Variants in TWNK observed in about 807,000 individuals in gnomAD.
TWNK encodes the protein T7 gp4-like protein with intramitochondrial nucleoid localization.
TWNK carries 36 observed loss-of-function variants against 58.2 expected under a neutral mutation model. That is an observed-to-expected ratio of 0.62 (90% CI 0.47 to 0.82). TWNK has a LOEUF of 0.82. Ranked by LOEUF, TWNK falls within the 40% of genes least tolerant of loss-of-function variation. The pLI, the probability that TWNK is intolerant of heterozygous loss-of-function variation, is 0.00. For synonymous variants in TWNK, 349 were observed against 348.5 expected, an observed-to-expected ratio of 1.00 and a Z score of -0.02; for missense variants, 714 against 881.0, an observed-to-expected ratio of 0.81 and a Z score of 2.40.
Position 100,993,456 on chromosome 10 carries a change from C to T in TWNK, c.2001C>T (p.Cys667=), listed in dbSNP as rs1380635403. ...CTACGACACAGAACTCTGAGATTTG[C>T]TCAGGCCAGGCCCCCACTCCCGACC... is the stretch of plus-strand genomic sequence containing the variant. ...KGATTQNSEI[C]SGQAPTPDQP... The change falls in exon 5 of 5, where the codon TGC becomes TGT. Residue 667 remains cysteine, a synonymous_variant. Coordinates refer to ENST00000311916, the MANE Select transcript of TWNK (RefSeq NM_021830.5). 2 of 1,614,212 alleles carry T rather than the reference C, an allele frequency of 1.2e-6. No individual in the cohort carries two copies. Among genetic ancestry groups the T allele is most frequent in the African/African-American group, 1.3e-5 (1 of 75,064 alleles).
Position 100,993,893 on chromosome 10 carries a change from G to A in TWNK, c.*383G>A. ...CTAGTGTAGATAAGTGGTCTGAAAA[G>A]GTGTCTCTGAGCCGAGGGCATGTGA... On this transcript the variant is annotated 3_prime_UTR_variant, in exon 5 of 5. Transcript: ENST00000311916. The A allele has an allele frequency of 4.1e-6, 1 of 245,018 alleles. No individual in the cohort carries two copies. The allele number at this position is 245,018 out of a possible 1,614,324, so 15.2% of individuals were successfully genotyped here. A position where few individuals can be genotyped will look rare whatever the true frequency, so the allele number is the denominator to read the frequency against.
Position 100,989,123 on chromosome 10 carries a change from G to A in TWNK, c.913G>A (p.Val305Ile), listed in dbSNP as rs753457416. ...LPYLEQFRRI[V>I]FWLGDDLRSW... The stretch of plus-strand genomic sequence containing the variant: ...TTACCTGGAACAGTTCCGGCGGATT[G>A]TATTCTGGTTGGGGGATGACCTTCG... Residue 305 changes from valine (V) to isoleucine (I), a missense_variant, in exon 1 of 5, where the codon GTA (valine) becomes ATA (isoleucine). Around this residue, in one of 3 missense-constraint regions of TWNK, gnomAD observed 348 missense variants for 388.4 expected, o/e 0.90. Transcript: ENST00000311916. The surrounding 1 kb of genome is among the most constrained non-coding windows in gnomAD (Gnocchi z 7.6). 4.3e-6 allele frequency: 7 copies of A among 1,612,054 alleles called. No homozygotes were observed. In the African/African-American group the frequency reaches 8.0e-5, roughly 18 times the overall value.
chr10:100,987,856 G>A lies in TWNK; in HGVS notation c.-355G>A, dbSNP rs952537350. On this transcript the variant is annotated 5_prime_UTR_variant, in exon 1 of 5. Transcript: ENST00000311916. Reference sequence around the variant, plus strand: ...TGACTATAGAAATGAGGACGACGAGGAGATGCTGTGGAGGAGCAGTAGAGG... The same window carrying A: ...TGACTATAGAAATGAGGACGACGAGAAGATGCTGTGGAGGAGCAGTAGAGG... The A allele has an allele frequency of 3.4e-6, 2 of 594,134 alleles. No individual in the cohort carries two copies. The highest frequency in any genetic ancestry group is 3.1e-5 in the Admixed American group (1 of 32,668). 36.8% of individuals were successfully genotyped at this position (594,134 alleles called of 1,614,324 possible).
In TWNK at chr10:100,989,916, T is replaced by C. The variant is rs1159536731; in HGVS notation, c.1484+32T>C. The C allele has an allele frequency of 2.5e-6, 4 of 1,613,824 alleles. No homozygotes were observed. The African/African-American group carries it at 4.0e-5, about 16-fold the overall frequency. On this transcript the variant is annotated intron_variant, in intron 2 of 4. Transcript: ENST00000311916. The surrounding 1 kb of genome is among the most constrained non-coding windows in gnomAD (Gnocchi z 7.6). The stretch of plus-strand genomic sequence containing the variant: ...CTCCCAGATTCCAGCCACCTTGCTT[T>C]CCCAGACATATCCCAGCACTCAGGA...
chr10:100,991,076 C>G (rs570924095), intron 4 of TWNK, 66 bp downstream of exon 4: 1 of 1,607,792 alleles, frequency 6.2e-7, no homozygotes, highest in Non-Finnish European at 8.5e-7. Context: ...CAGGGACAGC[C>G]CTCATTCAGC....
rs758824982 is a variant in TWNK, at chr10:100,993,771, C to T, written c.*261C>T. ...AAGTCCCTGCCTGCATGCATTCTGG[C>T]GGAAGAGACAAGCAAGCAATGAACA... On this transcript the variant is annotated 3_prime_UTR_variant, in exon 5 of 5. Transcript: ENST00000311916. 7.0e-5 allele frequency: 36 copies of T among 516,694 alleles called. No homozygotes were observed. Among genetic ancestry groups the T allele is most frequent in the Admixed American group, 3.4e-4 (10 of 29,228 alleles). 32.0% of individuals were successfully genotyped at this position (516,694 alleles called of 1,614,324 possible).
chr10:100,988,273 G>A lies in TWNK; in HGVS notation c.63G>A (p.Trp21Ter), dbSNP rs1851637684. 6.2e-7 allele frequency: 1 copy of A among 1,614,026 alleles called. No individual in the cohort carries two copies. Among genetic ancestry groups the A allele is most frequent in the Non-Finnish European group, 8.5e-7 (1 of 1,180,042 alleles). The change falls in exon 1 of 5, where the codon TGG (tryptophan) becomes TGA (stop). Residue 21 changes from tryptophan to a stop codon, truncating the protein, a stop_gained. Coordinates refer to ENST00000311916, the MANE Select transcript of TWNK (RefSeq NM_021830.5). LOFTEE classifies it high-confidence loss of function. The surrounding 1 kb of genome is among the most constrained non-coding windows in gnomAD (Gnocchi z 5.2). ...TCTTGTTACCCCTGCGTGGGGAGTG[G>A]ATGGGTCGGAGGGGCCTGCCCCGAA... ...LRILLPLRGEWMGRRGLPRNL... is the reference protein window; with the variant it reads ...LRILLPLRGE
Position 100,993,267 on chromosome 10 carries a change from G to A in TWNK, c.1812G>A (p.Gln604=). The change falls in exon 5 of 5, where the codon CAG becomes CAA. Residue 604 remains glutamine (Q), a synonymous_variant. Transcript: ENST00000311916. ...CCGGGCCAGGGAAACGGTATCTGCA[G>A]GTGTCCAAGAACCGCTTTGATGGAG... is the stretch of plus-strand genomic sequence containing the variant. ...LVTGPGKRYL[Q]VSKNRFDGDV... is the part of the protein sequence containing the mutation. 6.2e-7 allele frequency: 1 copy of A among 1,614,226 alleles called. No individual in the cohort carries two copies. The highest frequency in any genetic ancestry group is 8.5e-7 in the Non-Finnish European group (1 of 1,180,046).
In TWNK at chr10:100,987,785, T is replaced by C; in HGVS notation, c.-426T>C. On this transcript the variant is annotated 5_prime_UTR_variant, in exon 1 of 5. Transcript: ENST00000311916. ...GAGGGGAAGGAGAAGCGGAAGAGGG[T>C]CTCTAGTCGGGGCCTAGGGCAAAGG... is the stretch of plus-strand genomic sequence containing the variant. 1 of 580,968 alleles carries C rather than the reference T, an allele frequency of 1.7e-6. No homozygotes were observed. Among genetic ancestry groups the C allele is most frequent in the South Asian group, 2.2e-5 (1 of 45,442 alleles). 36.0% of individuals were successfully genotyped at this position (580,968 alleles called of 1,614,324 possible). A position where few individuals can be genotyped will look rare whatever the true frequency, so the allele number is the denominator to read the frequency against.
chr10:100,992,089 G>C (rs1350982146), intron 4 of TWNK, among the ~76,000 whole-genome samples: 1 of 148,498 alleles, frequency 6.7e-6, no homozygotes, highest in Non-Finnish European at 1.5e-5. Flanking sequence ...TTTGGTCCCA[G>C]CTACTCAGGA....
Position 100,989,981 on chromosome 10 carries a change from A to C in TWNK, c.1484+97A>C. 6.7e-7 allele frequency: 1 copy of C among 1,499,876 alleles called. No individual in the cohort carries two copies. Among genetic ancestry groups the C allele is most frequent in the Non-Finnish European group, 9.3e-7 (1 of 1,078,700 alleles). 92.9% of individuals were successfully genotyped at this position (1,499,876 alleles called of 1,614,324 possible). ...TTCCAGCTCCAGTAGGAACTCCCCC[A>C]TCTCCTTAGGTTTGGAGTTTTTCAA... On this transcript the variant is annotated intron_variant, in intron 2 of 4. Transcript: ENST00000311916. This position sits in a 1 kb window ranked among gnomAD's most constrained non-coding sequence, Gnocchi z 7.6.
In TWNK at chr10:100,987,567, A is replaced by T. The variant is rs886046623; in HGVS notation, c.-644A>T. 2.9e-5 allele frequency: 41 copies of T among 1,398,660 alleles called. No individual in the cohort carries two copies. Among genetic ancestry groups the T allele is most frequent in the Admixed American group, 7.6e-5 (3 of 39,504 alleles). 86.6% of individuals were successfully genotyped at this position (1,398,660 alleles called of 1,614,324 possible). On this transcript the variant is annotated 5_prime_UTR_variant, in exon 1 of 5. It removes an upstream start codon present in the reference 5' UTR. Transcript: ENST00000311916. ...TGCTTCCGAGGTCAAGGCGAGTAGC[A>T]TGTGCGGGAGACTCACGTTGCCGGC...
Position 100,987,790 on chromosome 10 carries a change from AG to A in TWNK, c.-420del. 1 of 585,262 alleles carries A rather than the reference AG, an allele frequency of 1.7e-6. No individual in the cohort carries two copies. The highest frequency in any genetic ancestry group is 2.2e-5 in the South Asian group (1 of 46,338). The allele number at this position is 585,262 out of a possible 1,614,324, so 36.3% of individuals were successfully genotyped here. ...GAAGGAGAAGCGGAAGAGGGTCTCTAGTCGGGGCCTAGGGCAAAGGGACTAC... is the reference window on the plus strand; with the variant it reads ...GAAGGAGAAGCGGAAGAGGGTCTCTATCGGGGCCTAGGGCAAAGGGACTAC... On this transcript the variant is annotated 5_prime_UTR_variant, in exon 1 of 5. Coordinates refer to ENST00000311916, the MANE Select transcript of TWNK (RefSeq NM_021830.5).
In TWNK at chr10:100,987,930, G is replaced by A. The variant is rs546855962; in HGVS notation, c.-281G>A. The A allele has an allele frequency of 1.1e-5, 7 of 618,790 alleles. No individual in the cohort carries two copies. The highest frequency in any genetic ancestry group is 1.1e-4 in the African/African-American group (6 of 54,478). 38.3% of individuals were successfully genotyped at this position (618,790 alleles called of 1,614,324 possible). ...GTGTCAGTGAGGAACTGTATAGAGG[G>A]TCATAGAGGTGAGGTGGCGGAGAGA... is the stretch of plus-strand genomic sequence containing the variant. On this transcript the variant is annotated 5_prime_UTR_variant, in exon 1 of 5. Coordinates refer to ENST00000311916, the MANE Select transcript of TWNK (RefSeq NM_021830.5).
chr10:100,988,840 C>A lies in TWNK; in HGVS notation c.630C>A (p.Ser210=), dbSNP rs1222975561. The change falls in exon 1 of 5, where the codon TCC becomes TCA. Residue 210 remains serine, a synonymous_variant. Coordinates refer to ENST00000311916, the MANE Select transcript of TWNK (RefSeq NM_021830.5). This position sits in a 1 kb window ranked among gnomAD's most constrained non-coding sequence, Gnocchi z 5.2. Reference sequence around the variant, plus strand: ...GCAGTCTTGTCTTCCCTTGGTTCTCCCCTGGGGGCTCAGGATTACGAGGCC... The same window carrying A: ...GCAGTCTTGTCTTCCCTTGGTTCTCACCTGGGGGCTCAGGATTACGAGGCC... ...PARSLVFPWF[S]PGGSGLRGLK... 1.9e-6 allele frequency: 3 copies of A among 1,614,064 alleles called. No homozygotes were observed. The highest frequency in any genetic ancestry group is 2.5e-6 in the Non-Finnish European group (3 of 1,180,040).
intron 4 of TWNK, chr10:100,991,261 A>T: frequency 1.8e-6 from 1 of 570,682 alleles, no homozygotes; most frequent in Non-Finnish European, 3.1e-6. Flanking sequence ...ATTGCAATTC[A>T]GTATGATAAG....
Position 100,993,523 on chromosome 10 carries a change from G to A in TWNK, c.*13G>A. ...GCGTTCAAAGTGAAGGCCGTGCAGA[G>A]CTGGTCACTGAAATGAGCCTGATAG... On this transcript the variant is annotated 3_prime_UTR_variant, in exon 5 of 5. Transcript: ENST00000311916. 3 of 1,613,962 alleles carry A rather than the reference G, an allele frequency of 1.9e-6. No individual in the cohort carries two copies. The highest frequency in any genetic ancestry group is 2.5e-6 in the Non-Finnish European group (3 of 1,179,944).
chr10:100,989,673 A>G lies in TWNK; in HGVS notation c.1273A>G (p.Ile425Val). The G allele has an allele frequency of 6.2e-7, 1 of 1,614,214 alleles. No homozygotes were observed. The highest frequency in any genetic ancestry group is 1.3e-5 in the African/African-American group (1 of 75,058). Residue 425 changes from isoleucine (I) to valine (V), a missense_variant, in exon 2 of 5, where the codon ATC becomes GTC. Ile to Val is a conservative substitution (Grantham distance 29, BLOSUM62 3). This residue lies in a region of TWNK where 302 missense variants were observed against 438.6 expected (regional missense o/e 0.69). Coordinates refer to ENST00000311916, the MANE Select transcript of TWNK (RefSeq NM_021830.5). This position sits in a 1 kb window ranked among gnomAD's most constrained non-coding sequence, Gnocchi z 7.6. ...AACAGGCAGTGGAAAGACGACATTC[A>G]TCAGTGAGTATGCCCTGGATTTGTG... is the stretch of plus-strand genomic sequence containing the variant. The part of the protein sequence containing the change: ...GPTGSGKTTF[I>V]SEYALDLCSQ...
In TWNK at chr10:100,990,950, C is replaced by T. The variant is rs1211992900; in HGVS notation, c.1674C>T (p.His558=). The T allele has an allele frequency of 1.9e-6, 3 of 1,614,094 alleles. No homozygotes were observed. Among genetic ancestry groups the T allele is most frequent in the Non-Finnish European group, 2.5e-6 (3 of 1,180,038 alleles). ...ACTGCCATGTGACACTGGTCATTCA[C>T]CCCCGGAAAGAGGATGATGACAAGG... The part of the protein sequence containing the change: ...DNNCHVTLVI[H]PRKEDDDKEL... Residue 558 remains histidine (H), a synonymous_variant, in exon 4 of 5, where the codon CAC becomes CAT. Coordinates refer to ENST00000311916, the MANE Select transcript of TWNK (RefSeq NM_021830.5).
Sources: allele counts gnomAD v4.1 joint callset (sites outside exome capture counted in the v4.1 genomes callset), GRCh38; gene constraint gnomAD v4.1.1; regional missense constraint gnomAD v4.1.1; non-coding constraint Gnocchi (gnomAD v3.1); transcripts MANE v1.5; gene names NCBI Gene and HGNC (gene_info 2026-07-23, HGNC 2026-07-21).